Variants in RHCE observed in about 807,000 individuals in gnomAD.
RHCE encodes the protein Rh blood group CcEe antigens.
In RHCE, 22 loss-of-function variants were observed where a neutral mutation model predicts 43.8. The observed-to-expected ratio is 0.50, with a 90% CI of 0.36 to 0.72. The LOEUF (loss-of-function observed/expected upper bound fraction) is 0.72. Ranked by LOEUF, RHCE falls within the 30% of genes least tolerant of loss-of-function variation. The pLI is 0.00. For synonymous variants in RHCE, 156 were observed against 210.7 expected (o/e 0.74, Z 2.25); for missense variants, 385 against 525.4 (o/e 0.73, Z 2.61).
chr1:25,379,493 ATATTTTTTTTTTTT>A (rs1207542487), intron 7 of RHCE, among the ~76,000 whole-genome samples: 27 of 17,880 alleles, frequency 1.5e-3, no homozygotes, highest in Admixed American at 2.3e-3. Flanking sequence ...ATATATATAT[ATATTTTTTTTTTTT>A]TTTTTTTTTT....
intron 5 of RHCE, among the ~76,000 whole-genome samples, chr1:25,390,310 G>C (rs913614808): frequency 6.6e-6 from 1 of 152,154 alleles, no homozygotes; most frequent in Admixed American, 6.5e-5. Flanking sequence ...AAACGTTGAA[G>C]TGGCTTGACC....
intron 6 of RHCE, among the ~76,000 whole-genome samples, chr1:25,386,525 A>G (rs1646167495): frequency 6.6e-6 from 1 of 152,200 alleles, no homozygotes; most frequent in Admixed American, 6.5e-5. Flanking sequence ...ATTAGTCTTC[A>G]GAATAAAAAT....
chr1:25,391,053 C>T (rs1646345726), intron 4 of RHCE, 138 bp from the exon 5 acceptor site: 2 of 1,152,644 alleles, frequency 1.7e-6, no homozygotes, highest in Non-Finnish European at 2.6e-6. Flanking sequence ...AGTCACGTCT[C>T]CCCTCCGAGC....
chr1:25,406,230 CG>C lies in RHCE; in HGVS notation c.335+2452del, dbSNP rs1466920659. 3.3e-5 allele frequency among the ~76,000 whole-genome samples: 2 copies of C among 60,926 alleles called. 1 individual carries two copies. The highest frequency in any genetic ancestry group is 7.7e-5 in the Non-Finnish European group (2 of 26,086). 40.0% of individuals were successfully genotyped at this position (60,926 alleles called of 152,430 possible). A position where few individuals can be genotyped will look rare whatever the true frequency, so the allele number is the denominator to read the frequency against. Reference sequence around the variant, plus strand: ...TCCAGGTGGATGCAGTGTGTGTATGCGGGCGTGCGTGCGTGCGTGCGTGTGT... The same window carrying C: ...TCCAGGTGGATGCAGTGTGTGTATGCGGCGTGCGTGCGTGCGTGCGTGTGT... On this transcript the variant is annotated intron_variant, in intron 2 of 9. Coordinates refer to ENST00000294413, the MANE Select transcript of RHCE (RefSeq NM_020485.8).
At chr1:25,388,869 A>G (rs774911854) in intron 6 of RHCE, 107 bp downstream of exon 6, 32 of 1,578,676 alleles carry the variant, frequency 2.0e-5, no homozygotes, top group South Asian at 4.5e-5. Context: ...AAGAGAATGC[A>G]CCAACACCTG....
intron 1 of RHCE, among the ~76,000 whole-genome samples, chr1:25,415,297 A>G (rs1557643143): frequency 6.6e-6 from 1 of 152,194 alleles, no homozygotes; most frequent in Non-Finnish European, 1.5e-5. Context: ...TACAATCACC[A>G]GGGTAGCTGG....
chr1:25,413,214 A>G (rs1321854104), intron 1 of RHCE, among the ~76,000 whole-genome samples: 1 of 152,168 alleles, frequency 6.6e-6, no homozygotes, highest in African/African-American at 2.4e-5. Context: ...AGCAGTTTCC[A>G]TGAGCTGTTG....
At chr1:25,420,299 A>T (rs939585450) in intron 1 of RHCE, among the ~76,000 whole-genome samples, 2 of 152,016 alleles carry the variant, frequency 1.3e-5, no homozygotes, top group African/African-American at 4.8e-5. Flanking sequence ...CTATAAAAAT[A>T]AAAAAAATCC....
chr1:25,402,547 G>A, intron 3 of RHCE, 49 bp downstream of exon 3: 3 of 1,613,830 alleles, frequency 1.9e-6, no homozygotes, highest in Non-Finnish European at 1.7e-6. Context: ...ACCAAATGGA[G>A]CTTTTGGCCC....
At chr1:25,376,830 T>C (rs1262561111) in intron 7 of RHCE, among the ~76,000 whole-genome samples, 7 of 151,528 alleles carry the variant, frequency 4.6e-5, no homozygotes, top group South Asian at 4.2e-4. Context: ...AGGAGAACGG[T>C]GTGAACCCAG....
At chr1:25,369,099 A>T (rs1179150150) in intron 9 of RHCE, among the ~76,000 whole-genome samples, 2 of 151,834 alleles carry the variant, frequency 1.3e-5, no homozygotes, top group Admixed American at 1.3e-4. Context: ...TTACACCTCA[A>T]AAAGCTATTT....
chr1:25,419,183 A>G (rs528243738), intron 1 of RHCE, among the ~76,000 whole-genome samples: 2 of 152,320 alleles, frequency 1.3e-5, no homozygotes, highest in Admixed American at 1.3e-4. Context: ...GGTTCAATGT[A>G]AAGCATGTAG....
At chr1:25,395,814 T>C (rs1437914979) in intron 3 of RHCE, among the ~76,000 whole-genome samples, 2 of 152,120 alleles carry the variant, frequency 1.3e-5, no homozygotes, top group Non-Finnish European at 2.9e-5. Context: ...AAGATGGAAT[T>C]AGAAAACCAC....
At chr1:25,374,190 G>T (rs1377858139) in intron 8 of RHCE, among the ~76,000 whole-genome samples, 1 of 151,040 alleles carries the variant, frequency 6.6e-6, no homozygotes, top group African/African-American at 2.4e-5. Flanking sequence ...CCGGGTTTAA[G>T]CAATTCTCCT....
intron 1 of RHCE, among the ~76,000 whole-genome samples, chr1:25,416,749 T>C (rs1393644624): frequency 6.7e-6 from 1 of 149,546 alleles, no homozygotes; most frequent in Non-Finnish European, 1.5e-5. Context: ...ACTGAGTAGC[T>C]GGGACTACAG....
chr1:25,413,033 G>A (rs1232872911), intron 1 of RHCE, among the ~76,000 whole-genome samples: 3 of 150,312 alleles, frequency 2.0e-5, no homozygotes, highest in Non-Finnish European at 2.9e-5. Context: ...CAAAAAAAAA[G>A]AGAGATGAGG....
chr1:25,403,032 T>C (rs926615133), intron 2 of RHCE, among the ~76,000 whole-genome samples: 6 of 151,504 alleles, frequency 4.0e-5, no homozygotes, highest in Non-Finnish European at 5.9e-5. Flanking sequence ...CACACTCATC[T>C]GACTGAGGGT....
chr1:25,395,730 A>C (rs1346212366), intron 3 of RHCE, among the ~76,000 whole-genome samples: 1 of 152,216 alleles, frequency 6.6e-6, no homozygotes, highest in East Asian at 1.9e-4. Flanking sequence ...GGTAATATAA[A>C]CAAATACATA....
chr1:25,391,243 G>A (rs1646351657), intron 4 of RHCE, among the ~76,000 whole-genome samples: 1 of 152,074 alleles, frequency 6.6e-6, no homozygotes, highest in African/African-American at 2.4e-5. Flanking sequence ...GGAGTGCAGT[G>A]GCGCGATCTT....
Sources: gnomAD v4.1 joint callset for allele counts (sites outside exome capture counted in the v4.1 genomes callset) on GRCh38, gnomAD v4.1.1 for gene constraint, MANE v1.5 for transcripts, NCBI Gene and HGNC (gene_info 2026-07-23, HGNC 2026-07-21) for gene names.